The following DGKH variants were observed in gnomAD, a reference collection of about 807,000 sequenced individuals.
DGKH encodes the protein diacylglycerol kinase eta.
In DGKH, 90 loss-of-function variants were observed where a neutral mutation model predicts 159.3. That is an observed-to-expected ratio of 0.57 (90% confidence interval 0.48 to 0.67). DGKH has a LOEUF of 0.67. Among genes scored for constraint, DGKH ranks in the 30% least tolerant of loss-of-function variants. The pLI is 0.00. For missense variants in DGKH, 1,181 were observed against 1,506.1 expected, an observed-to-expected ratio of 0.78 and a Z score of 3.57; for synonymous variants, 536 against 553.8, an observed-to-expected ratio of 0.97 and a Z score of 0.45.
At chr13:42,165,856 T>C (rs191006108) in intron 8 of DGKH, among the ~76,000 whole-genome samples, 15 of 152,266 alleles carry the variant, frequency 9.9e-5, no homozygotes, top group Admixed American at 7.8e-4. Context: ...TCCCAAAATC[T>C]TACAACTTAA....
intron 29 of DGKH, among the ~76,000 whole-genome samples, chr13:42,221,668 G>A (rs1268196488): frequency 7.2e-5 from 11 of 152,152 alleles, no homozygotes; most frequent in Non-Finnish European, 1.6e-4. Context: ...TGCTGTGCTA[G>A]TATTTCCAAA....
At position 42,144,681 on chromosome 13, in the gene DGKH, C is replaced by CA. The variant is rs767172052; in HGVS notation, c.385-10596dup. ...TGGGTGGTAGAGTGAGACTGTGTCT[C>CA]AAAAAAAAAAAAAAGAAAGAAAGAA... is the stretch of plus-strand genomic sequence containing the variant. On this transcript the variant is annotated intron_variant, in intron 3 of 29. Transcript: ENST00000337343. 9.4e-3 allele frequency among the ~76,000 whole-genome samples: 953 copies of CA among 101,532 alleles called. 9 individuals carry two copies. Among genetic ancestry groups the CA allele is most frequent in the African/African-American group, 0.024 (662 of 27,102 alleles). The allele number at this position is 101,532 out of a possible 152,430, so 66.6% of individuals were successfully genotyped here.
At chr13:42,192,915 A>G (rs149159658) in intron 16 of DGKH, among the ~76,000 whole-genome samples, 2 of 152,302 alleles carry the variant, frequency 1.3e-5, no homozygotes, top group East Asian at 1.9e-4. Context: ...ATTGGTACCC[A>G]TACACTACTC....
intron 1 of DGKH, among the ~76,000 whole-genome samples, chr13:42,059,422 G>A (rs1881985146): frequency 6.6e-6 from 1 of 151,962 alleles, no homozygotes; most frequent in South Asian, 2.1e-4. Context: ...GCTAATTATT[G>A]TATTTTTAGT....
Position 42,158,974 on chromosome 13 carries a change from G to A in DGKH, c.623-292G>A, listed in dbSNP as rs1956108016. ...TTCCCTCTCTCCCTCTCTCCTATGT[G>A]TGTGTTGTCTGCCTTCTCAAGCAGT... is the stretch of plus-strand genomic sequence containing the variant. On this transcript the variant is annotated intron_variant, in intron 5 of 29. Coordinates refer to ENST00000337343, the MANE Select transcript of DGKH (RefSeq NM_178009.5). Among the ~76,000 whole-genome samples, 7 of 152,020 alleles carry A rather than the reference G, an allele frequency of 4.6e-5. No homozygotes were observed. In the South Asian group the frequency reaches 1.5e-3, roughly 32 times the overall value.
chr13:42,064,990 C>T (rs1011377016), intron 1 of DGKH, among the ~76,000 whole-genome samples: 6 of 152,086 alleles, frequency 3.9e-5, no homozygotes, highest in African/African-American at 1.4e-4. Flanking sequence ...TACTTTTCCT[C>T]ATATGTAAAC....
At chr13:42,139,927 C>A (rs1456173513) in intron 3 of DGKH, among the ~76,000 whole-genome samples, 1 of 148,674 alleles carries the variant, frequency 6.7e-6, no homozygotes, top group Non-Finnish European at 1.5e-5. Flanking sequence ...GAGGAACTCG[C>A]CTCCCAACTG....
At chr13:42,248,805 C>T (rs1441003395) in intron 29 of DGKH, among the ~76,000 whole-genome samples, 1 of 151,796 alleles carries the variant, frequency 6.6e-6, no homozygotes, top group Non-Finnish European at 1.5e-5. Context: ...GGTTTGTAGC[C>T]TAGAAGCAAC....
At chr13:42,116,105 G>A (rs1954964026) in intron 1 of DGKH, among the ~76,000 whole-genome samples, 1 of 152,102 alleles carries the variant, frequency 6.6e-6, no homozygotes, top group Non-Finnish European at 1.5e-5. Flanking sequence ...ATAGTGATAT[G>A]CAGGCATTAT....
chr13:42,130,133 G>C (rs951293908), intron 3 of DGKH, among the ~76,000 whole-genome samples: 6 of 152,148 alleles, frequency 3.9e-5, no homozygotes, highest in South Asian at 2.1e-4. Context: ...AGACCTCACT[G>C]GTTCCACATT....
Position 42,198,480 on chromosome 13 carries a change from T to A in DGKH, c.2170T>A (p.Leu724Ile). ...VLNTRIICPG[L>I]RAGLAASIAG... ...TATGTGTTTGCTTTTCTTTCCAGGT[T>A]TAAGAGCAGGACTGGCTGCCTCAAT... The change falls in exon 18 of 30, where the codon TTA (leucine) becomes ATA (isoleucine). Residue 724 changes from leucine (L) to isoleucine (I), a missense_variant and splice_region_variant. By Grantham distance (5) the Leu-to-Ile change is conservative (BLOSUM62 2). This residue lies in a region of DGKH where 257 missense variants were observed against 281.5 expected (regional missense o/e 0.91). Transcript: ENST00000337343. 1 of 1,612,922 alleles carries A rather than the reference T, an allele frequency of 6.2e-7. No individual in the cohort carries two copies. The highest frequency in any genetic ancestry group is 8.5e-7 in the Non-Finnish European group (1 of 1,179,506).
chr13:42,071,483 C>T (rs1212477832), intron 1 of DGKH, among the ~76,000 whole-genome samples: 1 of 152,226 alleles, frequency 6.6e-6, no homozygotes, highest in South Asian at 2.1e-4. Context: ...ACACAACAGG[C>T]TTCTATGAAC....
chr13:42,123,273 A>G lies in DGKH; in HGVS notation c.193-4190A>G, dbSNP rs540901957. Among the ~76,000 whole-genome samples, 11 of 152,306 alleles carry G rather than the reference A, an allele frequency of 7.2e-5. No individual in the cohort carries two copies. The South Asian group carries it at 2.1e-3, about 29-fold the overall frequency. On this transcript the variant is annotated intron_variant, in intron 1 of 29. Transcript: ENST00000337343. ...CTACAAACCAGTATTTTAGATAATT[A>G]TACCTGTTCATATTTTCTAAAAAAA...
At chr13:42,064,279 G>A (rs543982206) in intron 1 of DGKH, among the ~76,000 whole-genome samples, 28 of 152,314 alleles carry the variant, frequency 1.8e-4, no homozygotes, top group African/African-American at 6.5e-4. Context: ...GGAAAGGTAT[G>A]AAATGCTTGA....
At chr13:42,145,657 G>A (rs961292874) in intron 3 of DGKH, among the ~76,000 whole-genome samples, 2 of 152,204 alleles carry the variant, frequency 1.3e-5, no homozygotes, top group Non-Finnish European at 2.9e-5. Flanking sequence ...AGACATCAGC[G>A]ATGTCTTCCA....
chr13:42,189,386 T>C (rs1957010332), intron 15 of DGKH, 77 bp downstream of exon 15: 1 of 1,573,326 alleles, frequency 6.4e-7, no homozygotes, highest in Non-Finnish European at 8.6e-7. Flanking sequence ...TCCATAGTGG[T>C]CAGATTGGAC....
intron 1 of DGKH, among the ~76,000 whole-genome samples, chr13:42,055,328 T>A (rs978755398): frequency 6.6e-6 from 1 of 152,236 alleles, no homozygotes; most frequent in Non-Finnish European, 1.5e-5. Flanking sequence ...GTTTGCGTCT[T>A]TGCTTCCATT....
At chr13:42,136,887 T>A (rs1955413028) in intron 3 of DGKH, among the ~76,000 whole-genome samples, 1 of 152,158 alleles carries the variant, frequency 6.6e-6, no homozygotes. Context: ...AGCATTAGAT[T>A]ATTATTCTTT....
In DGKH at chr13:42,144,758, T is replaced by A. The variant is rs148645367; in HGVS notation, c.385-10533T>A. 9.4e-4 allele frequency among the ~76,000 whole-genome samples: 143 copies of A among 152,130 alleles called. 1 individual carries two copies. The highest frequency in any genetic ancestry group is 6.9e-3 in the Middle Eastern group (2 of 290). On this transcript the variant is annotated intron_variant, in intron 3 of 29. Transcript: ENST00000337343. ...CGTGGTCTTATTGACAACTCCAGAA[T>A]TGGGCTTTACATCCTGTATGAAATG...
Sources: gnomAD v4.1 joint callset for allele counts (sites outside exome capture counted in the v4.1 genomes callset) on GRCh38, gnomAD v4.1.1 for gene constraint, gnomAD v4.1.1 regional missense constraint, MANE v1.5 for transcripts, NCBI Gene and HGNC (gene_info 2026-07-23, HGNC 2026-07-21) for gene names.